Variants in ZC3H6 observed in about 807,000 individuals in gnomAD.
The protein encoded by ZC3H6 is zinc finger CCCH domain-containing protein 6.
ZC3H6 carries 40 observed loss-of-function variants against 107.7 expected under a neutral mutation model. The observed-to-expected ratio is 0.37, with a 90% CI of 0.29 to 0.48. ZC3H6 has a LOEUF of 0.48. Among genes scored for constraint, ZC3H6 ranks in the 20% least tolerant of loss-of-function variants. ZC3H6 has a pLI of 0.98. For synonymous variants in ZC3H6, 493 were observed against 487.9 expected (o/e 1.01, Z -0.14); for missense variants, 1,267 against 1,410.4 (o/e 0.90, Z 1.63).
chr2:112,276,161 T>C (rs2104687160), intron 1 of ZC3H6, 135 bp downstream of exon 1: 1 of 683,426 alleles, frequency 1.5e-6, no homozygotes, highest in Non-Finnish European at 2.2e-6. Flanking sequence ...TGACGCGCAC[T>C]CTTATGTAAA....
At chr2:112,276,187 C>G (rs1329021602) in intron 1 of ZC3H6, among the ~76,000 whole-genome samples, 161 bp downstream of exon 1, 2 of 146,924 alleles carry the variant, frequency 1.4e-5, no homozygotes, top group African/African-American at 2.5e-5. Context: ...GGATCGCGGC[C>G]GCGGGGGAGG....
chr2:112,290,782 A>G (rs1365179090), intron 1 of ZC3H6, among the ~76,000 whole-genome samples: 1 of 152,266 alleles, frequency 6.6e-6, no homozygotes, highest in Non-Finnish European at 1.5e-5. Flanking sequence ...GTACTTGCAC[A>G]GTAGTACTTT....
At chr2:112,324,024 C>A in intron 9 of ZC3H6, 128 bp from the exon 10 acceptor site, 1 of 1,021,112 alleles carries the variant, frequency 9.8e-7, no homozygotes, top group Non-Finnish European at 1.4e-6. Context: ...GAACAAATTG[C>A]TTCTTAAACA....
intron 1 of ZC3H6, among the ~76,000 whole-genome samples, chr2:112,282,533 A>G (rs1222853823): frequency 6.6e-6 from 1 of 152,212 alleles, no homozygotes; most frequent in Non-Finnish European, 1.5e-5. Flanking sequence ...CTTTCTACAG[A>G]TGAGGAAACA....
chr2:112,324,358 C>T lies in ZC3H6; in HGVS notation c.1547C>T (p.Pro516Leu). 1.9e-6 allele frequency: 3 copies of T among 1,614,010 alleles called. No individual in the cohort carries two copies. The highest frequency in any genetic ancestry group is 2.5e-6 in the Non-Finnish European group (3 of 1,179,884). ...CCTGGTCTACCAGTGCCACAGAGCC[C>T]ACCTTTACCACCTGGTCCACCTGAA... ...GPPGLPVPQS[P>L]PLPPGPPEIV... The change falls in exon 10 of 12, where the codon CCA (proline) becomes CTA (leucine). Residue 516 changes from proline (P) to leucine (L), a missense_variant. By Grantham distance (98) the Pro-to-Leu change is moderately conservative. Transcript: ENST00000409871.
rs1471143393 is a variant in ZC3H6 at position 112,331,919 on chromosome 2, T to C, written c.3001T>C (p.Ser1001Pro). 1.9e-6 allele frequency: 3 copies of C among 1,613,832 alleles called. No homozygotes were observed. Among genetic ancestry groups the C allele is most frequent in the Non-Finnish European group, 2.5e-6 (3 of 1,179,890 alleles). Residue 1001 changes from serine to proline, a missense_variant, in exon 12 of 12, where the codon TCA becomes CCA. Physicochemically the swap from Ser to Pro is moderately conservative, Grantham distance 74 (BLOSUM62 -1). Transcript: ENST00000409871. ...ASKGAPHLPR[S>P]NPGSSQPSGA... is the part of the protein sequence containing the mutation. ...AAAGGGTGCCCCTCACTTACCCAGATCAAACCCTGGTTCATCACAGCCCTC... is the reference window on the plus strand; with the variant it reads ...AAAGGGTGCCCCTCACTTACCCAGACCAAACCCTGGTTCATCACAGCCCTC...
In ZC3H6 at chr2:112,332,329, A is replaced by G. The variant is rs1170570764; in HGVS notation, c.3411A>G (p.Leu1137=). 1.9e-6 allele frequency: 3 copies of G among 1,613,986 alleles called. No homozygotes were observed. The highest frequency in any genetic ancestry group is 4.5e-5 in the East Asian group (2 of 44,884). ...TGCACAGCCTTCCTGTTCAGGCATT[A>G]ACAGGCTTAATTAGGCCACAGTACA... ...PAVHSLPVQA[L]TGLIRPQYSD... The change falls in exon 12 of 12, where the codon TTA becomes TTG. Residue 1137 remains leucine, a synonymous_variant. Transcript: ENST00000409871.
At chr2:112,276,094 C>T in intron 1 of ZC3H6, 68 bp downstream of exon 1, 2 of 1,446,462 alleles carry the variant, frequency 1.4e-6, no homozygotes, top group East Asian at 2.7e-5. Flanking sequence ...GGGAGCGGGC[C>T]GGGGCCGGGC....
chr2:112,318,009 A>T (rs1203469070), intron 7 of ZC3H6, among the ~76,000 whole-genome samples: 1 of 152,096 alleles, frequency 6.6e-6, no homozygotes, highest in African/African-American at 2.4e-5. Context: ...GGCTCCATGG[A>T]TTTGTTCACC....
At chr2:112,327,667 A>G (rs1676936533) in intron 11 of ZC3H6, among the ~76,000 whole-genome samples, 1 of 152,140 alleles carries the variant, frequency 6.6e-6, no homozygotes, top group Admixed American at 6.5e-5. Context: ...TATTTAATCC[A>G]TTTTGATTTG....
intron 11 of ZC3H6, 68 bp downstream of exon 11, chr2:112,325,265 A>G: frequency 6.9e-7 from 1 of 1,452,458 alleles, no homozygotes; most frequent in Non-Finnish European, 9.5e-7. Flanking sequence ...TGGCCGAGGC[A>G]GGTGAATCAC....
intron 1 of ZC3H6, among the ~76,000 whole-genome samples, chr2:112,298,481 G>A (rs890010541): frequency 1.3e-5 from 2 of 152,216 alleles, no homozygotes; most frequent in African/African-American, 4.8e-5. Context: ...AATTGGTGCA[G>A]CCCTTGTGCA....
chr2:112,321,169 G>A (rs1379332767), intron 7 of ZC3H6, among the ~76,000 whole-genome samples: 4 of 151,668 alleles, frequency 2.6e-5, no homozygotes, highest in African/African-American at 4.8e-5. Context: ...TTCTTTATAC[G>A]TTTGTCTCCA....
At chr2:112,300,224 T>C (rs1385407664) in intron 2 of ZC3H6, among the ~76,000 whole-genome samples, 195 bp downstream of exon 2, 1 of 152,036 alleles carries the variant, frequency 6.6e-6, no homozygotes, top group Non-Finnish European at 1.5e-5. Flanking sequence ...TAAATCTTTT[T>C]TTTTTTTGAG....
rs1335913635 is a variant in ZC3H6, at chr2:112,333,115, G to A, written c.*627G>A. The A allele has an allele frequency of 6.6e-6, 1 of 152,540 alleles. No homozygotes were observed. Among genetic ancestry groups the A allele is most frequent in the Non-Finnish European group, 1.5e-5 (1 of 67,980 alleles). 9.4% of individuals were successfully genotyped at this position (152,540 alleles called of 1,614,324 possible). A position where few individuals can be genotyped will look rare whatever the true frequency, so the allele number is the denominator to read the frequency against. ...ATTGTATACTGTATCATAGAAGTTG[G>A]AGGTATATAAATAGAACATTTTGCT... On this transcript the variant is annotated 3_prime_UTR_variant, in exon 12 of 12. Coordinates refer to ENST00000409871, the MANE Select transcript of ZC3H6 (RefSeq NM_198581.3).
chr2:112,299,134 G>A (rs1199831197), intron 1 of ZC3H6, among the ~76,000 whole-genome samples: 3 of 151,934 alleles, frequency 2.0e-5, no homozygotes, highest in Non-Finnish European at 4.4e-5. Context: ...AAAATTAGCC[G>A]GGCGTGGTGG....
At chr2:112,321,082 A>G (rs1243429034) in intron 7 of ZC3H6, among the ~76,000 whole-genome samples, 1 of 152,048 alleles carries the variant, frequency 6.6e-6, no homozygotes, top group Non-Finnish European at 1.5e-5. Flanking sequence ...TAAATTTCCT[A>G]AAACCATCCA....
In ZC3H6 at chr2:112,335,198, T is replaced by G. The variant is rs2104730937; in HGVS notation, c.*2710T>G. On this transcript the variant is annotated 3_prime_UTR_variant, in exon 12 of 12. Transcript: ENST00000409871. Reference sequence around the variant, plus strand: ...GTGATTTCAAACTCTATTTCAACAATTGGGTCTGTTTCTATATGGACCCTC... The same window carrying G: ...GTGATTTCAAACTCTATTTCAACAAGTGGGTCTGTTTCTATATGGACCCTC... The G allele has an allele frequency of 6.6e-6, 1 of 152,330 alleles. No homozygotes were observed. Among genetic ancestry groups the G allele is most frequent in the South Asian group, 2.1e-4 (1 of 4,828 alleles). 9.4% of individuals were successfully genotyped at this position (152,330 alleles called of 1,614,324 possible).
At chr2:112,293,799 T>C (rs1676167915) in intron 1 of ZC3H6, among the ~76,000 whole-genome samples, 1 of 152,208 alleles carries the variant, frequency 6.6e-6, no homozygotes, top group East Asian at 1.9e-4. Context: ...CAAGCTGACA[T>C]ATTCAGACAG....
Sources: gnomAD v4.1 joint callset for allele counts (sites outside exome capture counted in the v4.1 genomes callset) on GRCh38, gnomAD v4.1.1 for gene constraint, MANE v1.5 for transcripts, NCBI Gene and HGNC (gene_info 2026-07-23, HGNC 2026-07-21) for gene names.